TTBK2: variants seen among roughly 807,000 people sequenced by gnomAD.
TTBK2 encodes tau-tubulin kinase 2.
TTBK2 carries 28 observed loss-of-function variants against 110.8 expected under a neutral mutation model. The observed-to-expected ratio is 0.25, with a 90% confidence interval of 0.19 to 0.35. The LOEUF (loss-of-function observed/expected upper bound fraction) is 0.35. Ranked by LOEUF, TTBK2 falls within the 10% of genes least tolerant of loss-of-function variation. The pLI is 1.00. For synonymous variants in TTBK2, 532 were observed against 527.3 expected, an observed-to-expected ratio of 1.01 and a Z score of -0.12; for missense variants, 1,369 against 1,500.3, an observed-to-expected ratio of 0.91 and a Z score of 1.45.
chr15:42,761,438 T>C (rs1390193334), intron 13 of TTBK2, among the ~76,000 whole-genome samples: 5 of 135,748 alleles, frequency 3.7e-5, no homozygotes, highest in African/African-American at 1.1e-4. Context: ...AATGGGATGA[T>C]AGCAAAGGAA....
chr15:42,761,411 C>G (rs2062023627), intron 13 of TTBK2, among the ~76,000 whole-genome samples: 1 of 151,642 alleles, frequency 6.6e-6, no homozygotes, highest in African/African-American at 2.4e-5. Flanking sequence ...GAGAAAATAT[C>G]TACAAACTAT....
In TTBK2 at chr15:42,743,992, ATATT is replaced by A. The variant is rs1169259841; in HGVS notation, c.*1799_*1802del. 6.6e-6 allele frequency: 1 copy of A among 152,160 alleles called. No individual in the cohort carries two copies. Among genetic ancestry groups the A allele is most frequent in the Non-Finnish European group, 1.5e-5 (1 of 68,032 alleles). The allele number at this position is 152,160 out of a possible 1,614,324, so 9.4% of individuals were successfully genotyped here. ...GATATGTCTCTCTATATATTTATAA[ATATT>A]TATATAATTTACCATGAAGACATGC... is the stretch of plus-strand genomic sequence containing the variant. On this transcript the variant is annotated 3_prime_UTR_variant, in exon 15 of 15. Coordinates refer to ENST00000267890, the MANE Select transcript of TTBK2 (RefSeq NM_173500.4).
rs773939473 is a variant in TTBK2 at position 42,848,493 on chromosome 15, CT to C, written c.218-8061del. Among the ~76,000 whole-genome samples the C allele has an allele frequency of 2.4e-3, 341 of 143,542 alleles. 1 individual carries two copies. The highest frequency in any genetic ancestry group is 3.6e-3 in the Middle Eastern group (1 of 274). 94.2% of individuals were successfully genotyped at this position (143,542 alleles called of 152,430 possible). ...TCAGCATACAGAATATATACATATA[CT>C]TTTTTTTTTTTTTGAGACAGAGTTT... On this transcript the variant is annotated intron_variant, in intron 3 of 14. Coordinates refer to ENST00000267890, the MANE Select transcript of TTBK2 (RefSeq NM_173500.4).
intron 13 of TTBK2, among the ~76,000 whole-genome samples, chr15:42,754,013 AG>A (rs2061906106): frequency 6.6e-6 from 1 of 152,100 alleles, no homozygotes; most frequent in South Asian, 2.1e-4. Flanking sequence ...ATTAAATACT[AG>A]GATTATATCT....
intron 9 of TTBK2, chr15:42,802,469 T>C (rs1439770163): frequency 4.6e-6 from 3 of 653,816 alleles, no homozygotes; most frequent in Non-Finnish European, 8.4e-6. Context: ...TGCTTCTTGG[T>C]CTGCACACAG....
intron 13 of TTBK2, among the ~76,000 whole-genome samples, chr15:42,768,798 G>A (rs575267541): frequency 3.9e-5 from 6 of 152,230 alleles, no homozygotes; most frequent in Middle Eastern, 3.4e-3. Context: ...AGCCCGCATC[G>A]CCAAGACAAT....
chr15:42,739,385 C>T lies in TTBK2; in HGVS notation c.*6410G>A, dbSNP rs960921092. On this transcript the variant is annotated 3_prime_UTR_variant, in exon 15 of 15. Transcript: ENST00000267890. ...GTGGCTGAATCTGATTTAACAGCTGCCAATAGCTCATTACTTCTAAGATGT... is the reference window on the plus strand; with the variant it reads ...GTGGCTGAATCTGATTTAACAGCTGTCAATAGCTCATTACTTCTAAGATGT... The T allele has an allele frequency of 6.6e-6, 1 of 152,218 alleles. No individual in the cohort carries two copies. Among genetic ancestry groups the T allele is most frequent in the African/African-American group, 2.4e-5 (1 of 41,460 alleles). 9.4% of individuals were successfully genotyped at this position (152,218 alleles called of 1,614,324 possible). A position where few individuals can be genotyped will look rare whatever the true frequency, so the allele number is the denominator to read the frequency against.
Position 42,878,583 on chromosome 15 carries a change from C to G in TTBK2, c.35G>C (p.Ser12Thr). 1.2e-6 allele frequency: 2 copies of G among 1,613,778 alleles called. No homozygotes were observed. The highest frequency in any genetic ancestry group is 8.5e-7 in the Non-Finnish European group (1 of 1,179,976). ...TCTTTCTTTCACTAGGATTCCAACA[C>G]TCAGGATATCCAGCTGCTCTCCTCC... ...SGGGEQLDIL[S>T]VGILVKERWK... The change falls in exon 2 of 15, where the codon AGT (serine) becomes ACT (threonine). Residue 12 changes from serine (S) to threonine (T), a missense_variant. Around this residue, in one of 4 missense-constraint regions of TTBK2, gnomAD observed 122 missense variants for 159.7 expected, o/e 0.76. Coordinates refer to ENST00000267890, the MANE Select transcript of TTBK2 (RefSeq NM_173500.4).
Position 42,853,735 on chromosome 15 carries a change from C to T in TTBK2, c.218-13302G>A, listed in dbSNP as rs78015641. Among the ~76,000 whole-genome samples the T allele has an allele frequency of 8.8e-3, 1,336 of 152,132 alleles. 22 individuals carry two copies. Among genetic ancestry groups the T allele is most frequent in the African/African-American group, 0.03 (1,242 of 41,498 alleles). ...TTGAACATACTATGGAGCGAACACACATAAGAATAAACGAGCACACCTGTA... is the reference window on the plus strand; with the variant it reads ...TTGAACATACTATGGAGCGAACACATATAAGAATAAACGAGCACACCTGTA... On this transcript the variant is annotated intron_variant, in intron 3 of 14. Transcript: ENST00000267890.
chr15:42,748,620 C>A (rs941032649), intron 14 of TTBK2, among the ~76,000 whole-genome samples: 2 of 151,838 alleles, frequency 1.3e-5, no homozygotes, highest in Non-Finnish European at 2.9e-5. Context: ...ACCATGTTGC[C>A]CAGGCTGGTC....
At chr15:42,788,157 C>T (rs1297643180) in intron 10 of TTBK2, among the ~76,000 whole-genome samples, 2 of 152,114 alleles carry the variant, frequency 1.3e-5, no homozygotes, top group African/African-American at 2.4e-5. Flanking sequence ...CATTACACGG[C>T]ACATGACTGT....
At position 42,752,614 on chromosome 15, in the gene TTBK2, T is replaced by A; in HGVS notation, c.2632A>T (p.Ile878Leu). ...CTCATGATGTCATCATCCTTAGATA[T>A]CTTATTTTTTTGCATTTCTGCCACT... ...GQVAEMQKNK[I>L]SKDDDIMSED... The change falls in exon 14 of 15, where the codon ATA becomes TTA. Residue 878 changes from isoleucine to leucine, a missense_variant. This residue lies in a region of TTBK2 where 1,097 missense variants were observed against 1,114.7 expected (regional missense o/e 0.98). Transcript: ENST00000267890. 6.2e-7 allele frequency: 1 copy of A among 1,614,168 alleles called. No homozygotes were observed. The highest frequency in any genetic ancestry group is 2.2e-5 in the East Asian group (1 of 44,882).
At chr15:42,917,034 A>G (rs1319024546) in intron 1 of TTBK2, among the ~76,000 whole-genome samples, 1 of 152,208 alleles carries the variant, frequency 6.6e-6, no homozygotes, top group Non-Finnish European at 1.5e-5. Context: ...TCGATAGCTT[A>G]CCAAAGGAAG....
chr15:42,843,237 T>C (rs1893303905), intron 3 of TTBK2, among the ~76,000 whole-genome samples: 2 of 152,156 alleles, frequency 1.3e-5, no homozygotes, highest in South Asian at 2.1e-4. Context: ...AGGAATTTAG[T>C]TTACAGTTTA....
chr15:42,798,201 T>C (rs974806449), intron 9 of TTBK2: 6 of 455,934 alleles, frequency 1.3e-5, no homozygotes, highest in African/African-American at 1.0e-4. Context: ...CTTTTTTATA[T>C]CCCAATGTCA....
intron 13 of TTBK2, among the ~76,000 whole-genome samples, chr15:42,769,769 A>G (rs1225446958): frequency 1.3e-5 from 2 of 152,208 alleles, no homozygotes; most frequent in East Asian, 3.8e-4. Context: ...GTATATACCC[A>G]AAGGATTATA....
intron 1 of TTBK2, among the ~76,000 whole-genome samples, chr15:42,899,423 C>G (rs903937699): frequency 3.3e-5 from 5 of 151,720 alleles, no homozygotes; most frequent in African/African-American, 9.7e-5. Context: ...TGGTGAAACC[C>G]CATCTCAACT....
At chr15:42,786,757 C>T (rs1168724000) in intron 10 of TTBK2, among the ~76,000 whole-genome samples, 1 of 152,166 alleles carries the variant, frequency 6.6e-6, no homozygotes, top group Non-Finnish European at 1.5e-5. Context: ...GTTCCTCTCC[C>T]ACCCAGACCC....
At chr15:42,779,962 G>T (rs145886801) in intron 11 of TTBK2, among the ~76,000 whole-genome samples, 1 of 152,032 alleles carries the variant, frequency 6.6e-6, no homozygotes, top group East Asian at 1.9e-4. Context: ...CTAGGTGACA[G>T]AGCGAGACTC....
Sources: gnomAD v4.1 joint callset for allele counts (sites outside exome capture counted in the v4.1 genomes callset) on GRCh38, gnomAD v4.1.1 for gene constraint, gnomAD v4.1.1 regional missense constraint, MANE v1.5 for transcripts, NCBI Gene and HGNC (gene_info 2026-07-23, HGNC 2026-07-21) for gene names.